SLC38A1: variants seen among roughly 807,000 people sequenced by gnomAD.
The protein encoded by SLC38A1 is sodium-coupled neutral amino acid symporter 1.
In SLC38A1, 18 loss-of-function variants were observed where a neutral mutation model predicts 60.3. The observed-to-expected ratio is 0.30, with a 90% CI of 0.21 to 0.44. SLC38A1 has a LOEUF of 0.44. Among genes scored for constraint, SLC38A1 ranks in the 20% least tolerant of loss-of-function variants. SLC38A1 has a pLI of 1.00. For synonymous variants in SLC38A1, 196 were observed against 212.1 expected, an observed-to-expected ratio of 0.92 and a Z score of 0.66; for missense variants, 448 against 587.2, an observed-to-expected ratio of 0.76 and a Z score of 2.45.
chr12:46,204,561 A>G lies in SLC38A1; in HGVS notation c.676T>C (p.Leu226=), dbSNP rs148843987. The change falls in exon 10 of 17, where the codon TTG becomes CTG. Residue 226 remains leucine (L), a synonymous_variant. Transcript: ENST00000398637. The part of the protein sequence containing the change: ...GYLGYTSGFS[L]SCMVFFLIVV... ...ATTAGGAAAAAAACCATACAGCTCA[A>G]GGAAAATCCACTAGTATAGCCAAGA... 6.2e-7 allele frequency: 1 copy of G among 1,612,274 alleles called. No homozygotes were observed. Among genetic ancestry groups the G allele is most frequent in the Non-Finnish European group, 8.5e-7 (1 of 1,179,428 alleles).
rs1381157790 is a variant in SLC38A1, at chr12:46,184,052, AG to A, written c.*4917del. 6 of 152,778 alleles carry A rather than the reference AG, an allele frequency of 3.9e-5. No homozygotes were observed. The highest frequency in any genetic ancestry group is 1.4e-4 in the African/African-American group (6 of 41,590). 9.5% of individuals were successfully genotyped at this position (152,778 alleles called of 1,614,324 possible). ...TTCCTGCAATAAGCCTCAGCTGCAT[AG>A]ATTCTTCCTTTAAAAACGTAAATTT... On this transcript the variant is annotated 3_prime_UTR_variant, in exon 17 of 17. Transcript: ENST00000398637.
chr12:46,196,154 C>A, intron 16 of SLC38A1: 1 of 1,535,954 alleles, frequency 6.5e-7, no homozygotes, highest in Non-Finnish European at 8.7e-7. Flanking sequence ...ATCCAGAATC[C>A]AGAGAACACA....
chr12:46,212,226 T>C (rs956449326), intron 5 of SLC38A1, among the ~76,000 whole-genome samples: 3 of 152,216 alleles, frequency 2.0e-5, no homozygotes, highest in East Asian at 3.9e-4. Context: ...CCCCTAATTG[T>C]CCGGGTAGAT....
At chr12:46,239,935 C>T (rs545372733) in intron 2 of SLC38A1, 42 bp from the exon 3 acceptor site, 31 of 699,500 alleles carry the variant, frequency 4.4e-5, no homozygotes, top group East Asian at 1.4e-4. Flanking sequence ...ACATATGAAA[C>T]GCTACTGATT....
chr12:46,231,205 A>G (rs1239001095), intron 3 of SLC38A1, among the ~76,000 whole-genome samples: 2 of 152,122 alleles, frequency 1.3e-5, no homozygotes, highest in African/African-American at 2.4e-5. Flanking sequence ...GAACATCAAA[A>G]CCTGAATGTT....
At chr12:46,229,528 A>C in intron 4 of SLC38A1, 36 bp downstream of exon 4, 1 of 1,494,164 alleles carries the variant, frequency 6.7e-7, no homozygotes, top group Non-Finnish European at 9.3e-7. Context: ...TTATATGATT[A>C]AAAAAATAAG....
rs1938919984 is a variant in SLC38A1, at chr12:46,185,819, CTT to C, written c.*3149_*3150del. 1 of 152,280 alleles carries C rather than the reference CTT, an allele frequency of 6.6e-6. No homozygotes were observed. The highest frequency in any genetic ancestry group is 6.5e-5 in the Admixed American group (1 of 15,276). 9.4% of individuals were successfully genotyped at this position (152,280 alleles called of 1,614,324 possible). A position where few individuals can be genotyped will look rare whatever the true frequency, so the allele number is the denominator to read the frequency against. On this transcript the variant is annotated 3_prime_UTR_variant, in exon 17 of 17. Transcript: ENST00000398637. ...CACCAAGCTCTCCAGCAGTCATGGA[CTT>C]ATTCCTCCCCGTTTTTACTGGACAC...
intron 5 of SLC38A1, among the ~76,000 whole-genome samples, chr12:46,212,939 A>G (rs934917231): frequency 6.6e-6 from 1 of 152,164 alleles, no homozygotes; most frequent in Non-Finnish European, 1.5e-5. Context: ...ATTTGTATCT[A>G]CTTGAAATCT....
intron 16 of SLC38A1, 70 bp from the exon 17 acceptor site, chr12:46,189,141 A>T: frequency 1.7e-6 from 2 of 1,147,638 alleles, no homozygotes; most frequent in Non-Finnish European, 2.6e-6. Context: ...TGGGGAAAAA[A>T]AATAGAACAG....
At chr12:46,220,686 T>C (rs74082018) in intron 5 of SLC38A1, among the ~76,000 whole-genome samples, 2,352 of 152,310 alleles carry the variant, frequency 0.015, 61 homozygotes, top group African/African-American at 0.054. Flanking sequence ...GTAGGTGTCA[T>C]TCAACCTTTT....
intron 1 of SLC38A1, among the ~76,000 whole-genome samples, chr12:46,252,032 T>C (rs376884238): frequency 6.6e-6 from 1 of 152,136 alleles, no homozygotes; most frequent in Admixed American, 6.5e-5. Flanking sequence ...TAAAGACACA[T>C]GCACACGTAT....
intron 5 of SLC38A1, among the ~76,000 whole-genome samples, chr12:46,223,452 T>TCACACA (rs146387838): frequency 0.052 from 7,535 of 146,138 alleles, 312 homozygotes; most frequent in African/African-American, 0.11. Context: ...TCTCTCACAT[T>TCACACA]CACACACACA....
intron 5 of SLC38A1, among the ~76,000 whole-genome samples, chr12:46,218,416 G>A (rs186060448): frequency 8.5e-5 from 13 of 152,078 alleles, no homozygotes; most frequent in East Asian, 1.9e-4. Context: ...CTTTTGTTCC[G>A]GTAGAAAGGT....
chr12:46,229,144 A>C lies in SLC38A1; in HGVS notation c.314+9T>G. On this transcript the variant is annotated intron_variant, in intron 5 of 16. Coordinates refer to ENST00000398637, the MANE Select transcript of SLC38A1 (RefSeq NM_030674.4). Reference sequence around the variant, plus strand: ...TTAAAATGGAAAGTACCGGCACGTCAATACTCACAGAAAAAGTAGGATTCC... The same window carrying C: ...TTAAAATGGAAAGTACCGGCACGTCCATACTCACAGAAAAAGTAGGATTCC... 1 of 1,554,898 alleles carries C rather than the reference A, an allele frequency of 6.4e-7. No individual in the cohort carries two copies. Among genetic ancestry groups the C allele is most frequent in the Non-Finnish European group, 8.9e-7 (1 of 1,127,416 alleles).
At position 46,239,756 on chromosome 12, in the gene SLC38A1, G is replaced by A. The variant is rs759359440; in HGVS notation, c.45C>T (p.Asn15=). The change falls in exon 3 of 17, where the codon AAC becomes AAT. Residue 15 remains asparagine, a synonymous_variant. Coordinates refer to ENST00000398637, the MANE Select transcript of SLC38A1 (RefSeq NM_030674.4). ...KSGLELTELQ[N]MTVPEDDNIS... ...TGTTATCATCCTCGGGCACTGTCAT[G>A]TTTTGCAACTCAGTTAATTCGAGTC... is the stretch of plus-strand genomic sequence containing the variant. The A allele has an allele frequency of 1.2e-5, 20 of 1,613,256 alleles. No individual in the cohort carries two copies. Among genetic ancestry groups the A allele is most frequent in the South Asian group, 6.6e-5 (6 of 91,052 alleles).
intron 11 of SLC38A1, among the ~76,000 whole-genome samples, chr12:46,203,851 G>A (rs1366468200): frequency 1.3e-5 from 2 of 152,184 alleles, no homozygotes; most frequent in Non-Finnish European, 2.9e-5. Flanking sequence ...ATCCAAGCCT[G>A]ACTGACTCCA....
chr12:46,192,057 T>C (rs1308634419), intron 16 of SLC38A1, among the ~76,000 whole-genome samples: 1 of 152,236 alleles, frequency 6.6e-6, no homozygotes, highest in Non-Finnish European at 1.5e-5. Flanking sequence ...AGTATGATAT[T>C]GGCTGTGGGT....
At position 46,239,895 on chromosome 12, in the gene SLC38A1, T is replaced by A; in HGVS notation, c.-93-2A>T. The A allele has an allele frequency of 8.7e-7, 1 of 1,150,886 alleles. No individual in the cohort carries two copies. The allele number at this position is 1,150,886 out of a possible 1,614,324, so 71.3% of individuals were successfully genotyped here. On this transcript the variant is annotated splice_acceptor_variant, in intron 2 of 16. Coordinates refer to ENST00000398637, the MANE Select transcript of SLC38A1 (RefSeq NM_030674.4). LOFTEE classifies it low-confidence loss of function (5UTR_SPLICE). ...TACCAAAATGGAAGCTTGACACCCCTAAAATATAGCAAAATAAAAAAATAA... is the reference window on the plus strand; with the variant it reads ...TACCAAAATGGAAGCTTGACACCCCAAAAATATAGCAAAATAAAAAAATAA...
Position 46,186,107 on chromosome 12 carries a change from T to A in SLC38A1, c.*2863A>T, listed in dbSNP as rs1335337330. On this transcript the variant is annotated 3_prime_UTR_variant, in exon 17 of 17. Coordinates refer to ENST00000398637, the MANE Select transcript of SLC38A1 (RefSeq NM_030674.4). Reference sequence around the variant, plus strand: ...CCTAACCACCATGGATAACCTGGTCTCTAAAGGAAAATACATTCCAGGTTG... The same window carrying A: ...CCTAACCACCATGGATAACCTGGTCACTAAAGGAAAATACATTCCAGGTTG... 6.6e-6 allele frequency: 1 copy of A among 152,208 alleles called. No individual in the cohort carries two copies. The highest frequency in any genetic ancestry group is 2.4e-5 in the African/African-American group (1 of 41,458). 9.4% of individuals were successfully genotyped at this position (152,208 alleles called of 1,614,324 possible).
Sources: allele counts gnomAD v4.1 joint callset (sites outside exome capture counted in the v4.1 genomes callset), GRCh38; gene constraint gnomAD v4.1.1; transcripts MANE v1.5; gene names NCBI Gene and HGNC (gene_info 2026-07-23, HGNC 2026-07-21).